NOX4: variants seen among roughly 807,000 people sequenced by gnomAD.
NOX4 encodes the protein NADPH oxidase 4.
A neutral mutation model predicts 87.6 loss-of-function variants in NOX4; 69 were observed. That is an observed-to-expected ratio of 0.79 (90% CI 0.65 to 0.96). The LOEUF (loss-of-function observed/expected upper bound fraction) is 0.96. NOX4 is among the 40% of genes least tolerant of loss of function. NOX4 has a pLI of 0.00. For missense variants in NOX4, 680 were observed against 681.5 expected (o/e 1.00, Z 0.02); for synonymous variants, 275 against 238.2 (o/e 1.15, Z -1.42).
At chr11:89,396,404 G>A (rs1941487146) in intron 11 of NOX4, among the ~76,000 whole-genome samples, 1 of 152,034 alleles carries the variant, frequency 6.6e-6, no homozygotes. Context: ...GAGATTTTGG[G>A]CTGAGACGAT....
At chr11:89,362,199 CCTT>C in intron 12 of NOX4, among the ~76,000 whole-genome samples, 1 of 150,522 alleles carries the variant, frequency 6.6e-6, no homozygotes, top group South Asian at 2.1e-4. Flanking sequence ...CACACACACA[CCTT>C]CTAGCTAATC....
At chr11:89,439,756 AG>A (rs1483950169) in intron 6 of NOX4, among the ~76,000 whole-genome samples, 2 of 152,178 alleles carry the variant, frequency 1.3e-5, no homozygotes, top group Non-Finnish European at 2.9e-5. Flanking sequence ...GTTTAACATC[AG>A]GGGAAATTTT....
chr11:89,430,529 C>T (rs1375268573), intron 7 of NOX4, among the ~76,000 whole-genome samples: 1 of 152,056 alleles, frequency 6.6e-6, no homozygotes, highest in Non-Finnish European at 1.5e-5. Context: ...AATCAATGTG[C>T]AAAAATCACA....
At chr11:89,477,619 G>A (rs1480914305) in intron 2 of NOX4, among the ~76,000 whole-genome samples, 1 of 152,166 alleles carries the variant, frequency 6.6e-6, no homozygotes, top group Non-Finnish European at 1.5e-5. Flanking sequence ...CATGAGGATA[G>A]TGTGTTATGA....
chr11:89,353,935 A>G (rs542252729), intron 13 of NOX4, among the ~76,000 whole-genome samples: 1 of 152,332 alleles, frequency 6.6e-6, no homozygotes, highest in South Asian at 2.1e-4. Context: ...GGGGATTGCA[A>G]GTTTATTGCT....
intron 12 of NOX4, among the ~76,000 whole-genome samples, chr11:89,366,220 G>C (rs932031772): frequency 2.6e-5 from 4 of 151,754 alleles, no homozygotes; most frequent in African/African-American, 9.7e-5. Flanking sequence ...ATGTTACATA[G>C]TAAAATCAAG....
At chr11:89,358,969 G>A (rs1012995706) in intron 12 of NOX4, among the ~76,000 whole-genome samples, 2 of 151,386 alleles carry the variant, frequency 1.3e-5, no homozygotes, top group African/African-American at 4.9e-5. Flanking sequence ...AAGTGATACC[G>A]TGATGAGCTG....
intron 6 of NOX4, among the ~76,000 whole-genome samples, chr11:89,435,027 T>A (rs1056697469): frequency 6.6e-6 from 1 of 152,082 alleles, no homozygotes; most frequent in African/African-American, 2.4e-5. Context: ...ATATTTATCA[T>A]CTAACTTTTG....
chr11:89,559,584 T>C, the NOX4 span, among the ~76,000 whole-genome samples: 1 of 152,192 alleles, frequency 6.6e-6, no homozygotes, highest in East Asian at 1.9e-4. Context: ...GTAAATATAA[T>C]AGATGCAAAT....
In NOX4 at chr11:89,351,065, G is replaced by T. The variant is rs151301663; in HGVS notation, c.1217+3897C>A. On this transcript the variant is annotated intron_variant, in intron 13 of 17. Coordinates refer to ENST00000263317, the MANE Select transcript of NOX4 (RefSeq NM_016931.5). ...CCAAACAGTGAGCCAAATTGCTAAT[G>T]CAAGGGAAAAAGTTTCTGAAGAAAA... 8.7e-3 allele frequency among the ~76,000 whole-genome samples: 1,326 copies of T among 152,310 alleles called. 14 individuals are homozygous for T. The highest frequency in any genetic ancestry group is 0.031 in the African/African-American group (1,280 of 41,568).
At chr11:89,397,557 T>C (rs1254242283) in intron 11 of NOX4, among the ~76,000 whole-genome samples, 1 of 151,844 alleles carries the variant, frequency 6.6e-6, no homozygotes, top group African/African-American at 2.4e-5. Context: ...ATCAACAAAA[T>C]TGATAGACTG....
At chr11:89,346,398 T>C (rs1419892200) in intron 13 of NOX4, among the ~76,000 whole-genome samples, 1 of 151,968 alleles carries the variant, frequency 6.6e-6, no homozygotes, top group East Asian at 1.9e-4. Context: ...TATGAATGGA[T>C]ACATTTAATA....
rs1313652699 is a variant in NOX4, at chr11:89,438,516, T to TATATATAATATA, written c.475+2171_475+2172insTATATTATATAT. Among the ~76,000 whole-genome samples the TATATATAATATA allele has an allele frequency of 1.2e-3, 105 of 89,960 alleles. 2 individuals carry two copies. Among genetic ancestry groups the TATATATAATATA allele is most frequent in the African/African-American group, 5.1e-3 (97 of 19,186 alleles). 59.0% of individuals were successfully genotyped at this position (89,960 alleles called of 152,430 possible). On this transcript the variant is annotated intron_variant, in intron 6 of 17. Transcript: ENST00000263317. ...AATATACAGCATATATATTATATAC[T>TATATATAATATA]ATATATACTATATATTACACACTAT...
intron 11 of NOX4, among the ~76,000 whole-genome samples, chr11:89,387,273 T>C (rs1940778620): frequency 6.6e-6 from 1 of 152,076 alleles, no homozygotes; most frequent in East Asian, 1.9e-4. Context: ...TAAGTGAAAA[T>C]GGCCGGTTCC....
upstream of NOX4, chr11:89,498,954 T>C (rs1946988618): frequency 1.3e-5 from 2 of 152,584 alleles, no homozygotes; most frequent in South Asian, 4.1e-4. Context: ...AGAAGTTCAA[T>C]GGGCTTTTCA....
At chr11:89,378,896 C>A (rs1198468164) in intron 11 of NOX4, among the ~76,000 whole-genome samples, 1 of 152,124 alleles carries the variant, frequency 6.6e-6, no homozygotes, top group Non-Finnish European at 1.5e-5. Context: ...AATGCAACAT[C>A]ATGACAGTAA....
At chr11:89,441,852 G>T (rs1944469117) in intron 5 of NOX4, among the ~76,000 whole-genome samples, 1 of 151,378 alleles carries the variant, frequency 6.6e-6, no homozygotes, top group Non-Finnish European at 1.5e-5. Flanking sequence ...GTGAGTCCTT[G>T]CATGCAGAGT....
the NOX4 span, among the ~76,000 whole-genome samples, chr11:89,504,142 T>C: frequency 4.0e-5 from 6 of 151,690 alleles, no homozygotes; most frequent in Admixed American, 2.6e-4. Flanking sequence ...GGAGGAGTGG[T>C]AGCAGAAGGG....
chr11:89,397,929 C>A (rs1941595240), intron 11 of NOX4, among the ~76,000 whole-genome samples: 1 of 151,892 alleles, frequency 6.6e-6, no homozygotes, highest in Admixed American at 6.6e-5. Flanking sequence ...CTATTCCAAT[C>A]AATAGAAAAA....
Sources: allele counts gnomAD v4.1 joint callset (sites outside exome capture counted in the v4.1 genomes callset), GRCh38; gene constraint gnomAD v4.1.1; transcripts MANE v1.5; gene names NCBI Gene and HGNC (gene_info 2026-07-23, HGNC 2026-07-21).